The following CCDC169 variants were observed in gnomAD, a reference collection of about 807,000 sequenced individuals.
CCDC169 encodes the protein coiled-coil domain containing 169.
A neutral mutation model predicts 36.0 loss-of-function variants in CCDC169; 30 were observed. That is an observed-to-expected ratio of 0.83 (90% CI 0.62 to 1.13). CCDC169 has a LOEUF of 1.13. Ranked by LOEUF, CCDC169 falls within the 50% of genes most tolerant of loss-of-function variation. The pLI, the probability that CCDC169 is intolerant of heterozygous loss-of-function variation, is 0.00. For synonymous variants in CCDC169, 85 were observed against 81.5 expected (o/e 1.04, Z -0.23); for missense variants, 245 against 245.9 (o/e 1.00, Z 0.03).
chr13:36,258,239 C>T (rs114583199), intron 4 of CCDC169, among the ~76,000 whole-genome samples: 2,179 of 152,270 alleles, frequency 0.014, 54 homozygotes, highest in African/African-American at 0.05. Flanking sequence ...TCCATCAGCT[C>T]AGCAGCTGCT....
At chr13:36,224,844 T>C (rs867244791), downstream of CCDC169, 1 of 151,998 alleles carries the variant, frequency 6.6e-6, no homozygotes, top group African/African-American at 2.4e-5. Context: ...GCAATCTTAA[T>C]CAAAAAGGAA....
At chr13:36,270,624 T>TA (rs1875921250) in intron 4 of CCDC169, among the ~76,000 whole-genome samples, 1 of 152,120 alleles carries the variant, frequency 6.6e-6, no homozygotes, top group African/African-American at 2.4e-5. Context: ...ACCAAATACT[T>TA]ACAGCCAGCT....
At chr13:36,254,772 A>G (rs1007556498) in intron 4 of CCDC169, among the ~76,000 whole-genome samples, 11 of 152,190 alleles carry the variant, frequency 7.2e-5, no homozygotes, top group African/African-American at 2.4e-4. Context: ...ATAGTAGCTA[A>G]ACTAACAAGA....
chr13:36,297,561 T>A, intron 1 of CCDC169, 76 bp downstream of exon 1: 1 of 1,421,816 alleles, frequency 7.0e-7, no homozygotes, highest in Non-Finnish European at 9.6e-7. Flanking sequence ...CCTCAGCGGC[T>A]TCAGCCCTGA....
intron 4 of CCDC169, chr13:36,282,367 A>T: frequency 1.0e-6 from 1 of 985,188 alleles, no homozygotes; most frequent in Non-Finnish European, 1.2e-6. Flanking sequence ...GTCCTTAGCT[A>T]AGAGGGTCTC....
chr13:36,227,994 C>T (rs1454101113), downstream of CCDC169, among the ~76,000 whole-genome samples: 2 of 152,164 alleles, frequency 1.3e-5, no homozygotes, highest in African/African-American at 4.8e-5. Flanking sequence ...CAGCATATAT[C>T]AGCATTTCAT....
At chr13:36,236,698 T>A (rs1281178608) in intron 7 of CCDC169, among the ~76,000 whole-genome samples, 1 of 151,918 alleles carries the variant, frequency 6.6e-6, no homozygotes, top group Non-Finnish European at 1.5e-5. Context: ...TGGGAAAAAA[T>A]TATAAATCTT....
chr13:36,253,837 T>C lies in CCDC169; in HGVS notation c.434A>G (p.Asn145Ser), dbSNP rs539132048. 42 of 1,551,228 alleles carry C rather than the reference T, an allele frequency of 2.7e-5. No homozygotes were observed. The South Asian group carries it at 5.0e-4, about 18-fold the overall frequency. The change falls in exon 6 of 8, where the codon AAT (asparagine) becomes AGT (serine). Residue 145 changes from asparagine (N) to serine (S), a missense_variant. By Grantham distance (46) the Asn-to-Ser change is conservative. Transcript: ENST00000239859. ...TTCAGCTAGGTATGTACGGCGTTCA[T>C]TGTTGATCTTCTGGTAAGCCTGTGT... ...QESKAYQKIN[N>S]ERRTYLAEMS...
chr13:36,253,670 T>C (rs1873462059), intron 6 of CCDC169, 133 bp downstream of exon 6: 3 of 1,049,530 alleles, frequency 2.9e-6, no homozygotes, highest in Admixed American at 3.0e-5. Context: ...TATTTTCCTG[T>C]CTACCCTCCA....
At chr13:36,285,626 G>GATAGATAGATAC (rs1275416095) in intron 2 of CCDC169, among the ~76,000 whole-genome samples, 2 of 135,712 alleles carry the variant, frequency 1.5e-5, no homozygotes, top group Non-Finnish European at 1.6e-5. Context: ...TAGATACATA[G>GATAGATAGATAC]ATACATAGAT....
chr13:36,257,725 T>C (rs1398631378), intron 4 of CCDC169, among the ~76,000 whole-genome samples: 1 of 150,340 alleles, frequency 6.7e-6, no homozygotes, highest in Admixed American at 6.6e-5. Flanking sequence ...AAAGAAAAAA[T>C]CTTTCTACCT....
At chr13:36,224,906 G>A (rs1355280416), downstream of CCDC169, 1 of 152,074 alleles carries the variant, frequency 6.6e-6, no homozygotes, top group Non-Finnish European at 1.5e-5. Flanking sequence ...TAAAGCTACA[G>A]TAATCAAAAC....
chr13:36,224,044 T>C (rs558812539), downstream of CCDC169: 1 of 152,300 alleles, frequency 6.6e-6, no homozygotes, highest in East Asian at 1.9e-4. Context: ...CAATACTATA[T>C]AGCTCTTTAT....
chr13:36,283,323 T>TTTG lies in CCDC169; in HGVS notation c.315+143_315+145dup, dbSNP rs1877767899. ...TCCACCTATAGCTACTCAAAAATTA[T>TTTG]TTGTTGTCCTTCAAACAGATCCCTT... is the stretch of plus-strand genomic sequence containing the variant. On this transcript the variant is annotated intron_variant, in intron 4 of 7. Transcript: ENST00000239859. 4.0e-6 allele frequency: 3 copies of TTTG among 753,894 alleles called. No homozygotes were observed. In the East Asian group the frequency reaches 8.1e-5, roughly 20 times the overall value. The allele number at this position is 753,894 out of a possible 1,614,324, so 46.7% of individuals were successfully genotyped here. A position where few individuals can be genotyped will look rare whatever the true frequency, so the allele number is the denominator to read the frequency against.
intron 7 of CCDC169, among the ~76,000 whole-genome samples, chr13:36,234,200 G>T (rs186160682): frequency 1.3e-5 from 2 of 152,212 alleles, no homozygotes; most frequent in African/African-American, 2.4e-5. Context: ...TCATTCTGAA[G>T]ACTCCCATGT....
chr13:36,283,695 T>A lies in CCDC169; in HGVS notation c.171A>T (p.Glu57Asp). 1 of 1,550,064 alleles carries A rather than the reference T, an allele frequency of 6.5e-7. No individual in the cohort carries two copies. Among genetic ancestry groups the A allele is most frequent in the Non-Finnish European group, 8.7e-7 (1 of 1,146,384 alleles). ...GTTGTGTCTCATAACGGGTTTTCCA[T>A]TCACTACCTGAGTAAAAACAGGGAG... Reference protein sequence around the residue: ...AKLNTDNEGSEWKTRYETQLE... With the variant: ...AKLNTDNEGSDWKTRYETQLE... The change falls in exon 3 of 8, where the codon GAA becomes GAT. Residue 57 changes from glutamate to aspartate, a missense_variant. Glu to Asp is a conservative substitution (Grantham distance 45). Transcript: ENST00000239859.
intron 4 of CCDC169, among the ~76,000 whole-genome samples, chr13:36,266,344 T>C (rs1285712439): frequency 2.0e-5 from 3 of 152,150 alleles, no homozygotes; most frequent in Non-Finnish European, 4.4e-5. Flanking sequence ...CAGTGGGTAC[T>C]CTTCTAGCCC....
chr13:36,295,848 C>T lies in CCDC169; in HGVS notation c.93G>A (p.Val31=). 1 of 1,526,648 alleles carries T rather than the reference C, an allele frequency of 6.6e-7. No individual in the cohort carries two copies. The highest frequency in any genetic ancestry group is 1.2e-5 in the South Asian group (1 of 81,250). 94.6% of individuals were successfully genotyped at this position (1,526,648 alleles called of 1,614,324 possible). The change falls in exon 2 of 8, where the codon GTG becomes GTA. Residue 31 remains valine (V), a synonymous_variant. Transcript: ENST00000239859. ...GTCTTAGTTCAAATATTGAGAGTTGCACTGCATCCCTGTTATTTAAAATAT... is the reference window on the plus strand; with the variant it reads ...GTCTTAGTTCAAATATTGAGAGTTGTACTGCATCCCTGTTATTTAAAATAT... The part of the protein sequence containing the change: ...LLEEVRKKDA[V]QLSIFELRHK...
chr13:36,242,800 G>A (rs994206816), intron 7 of CCDC169, among the ~76,000 whole-genome samples: 4 of 152,108 alleles, frequency 2.6e-5, no homozygotes, highest in South Asian at 4.2e-4. Context: ...CACCTACCTC[G>A]ATGCACCAGC....
Sources: allele counts gnomAD v4.1 joint callset (sites outside exome capture counted in the v4.1 genomes callset), GRCh38; gene constraint gnomAD v4.1.1; transcripts MANE v1.5; gene names NCBI Gene and HGNC (gene_info 2026-07-23, HGNC 2026-07-21).